The following OXR1 variants were observed in gnomAD, a reference collection of about 807,000 sequenced individuals.
The protein encoded by OXR1 is oxidation resistance protein 1.
OXR1 carries 41 observed loss-of-function variants against 104.6 expected under a neutral mutation model. That is an observed-to-expected ratio of 0.39 (90% confidence interval 0.31 to 0.51). The LOEUF (loss-of-function observed/expected upper bound fraction) is 0.51, where lower values mean the gene tolerates loss of function less well. OXR1 is among the 20% of genes least tolerant of loss of function. The pLI, the probability that OXR1 is intolerant of heterozygous loss-of-function variation, is 0.77. For missense variants in OXR1, 955 were observed against 1,031.9 expected (o/e 0.93, Z 1.02); for synonymous variants, 348 against 348.4 (o/e 1.00, Z 0.01).
intron 3 of OXR1, among the ~76,000 whole-genome samples, chr8:106,665,373 G>A (rs992912107): frequency 1.3e-5 from 2 of 152,218 alleles, no homozygotes; most frequent in African/African-American, 4.8e-5. Flanking sequence ...CCTTGTCTGG[G>A]AATTGATTTT....
intron 6 of OXR1, among the ~76,000 whole-genome samples, chr8:106,692,002 CACATATATATAT>C (rs1396700863): frequency 1.5e-4 from 22 of 150,048 alleles, no homozygotes; most frequent in Non-Finnish European, 1.6e-4. Context: ...CACACACACA[CACATATATATAT>C]ACACATATAT....
At chr8:106,300,252 C>T (rs1813172952) in intron 1 of OXR1, among the ~76,000 whole-genome samples, 1 of 152,074 alleles carries the variant, frequency 6.6e-6, no homozygotes, top group Non-Finnish European at 1.5e-5. Flanking sequence ...CATTTTTACT[C>T]ACCCTTTTCA....
intron 3 of OXR1, among the ~76,000 whole-genome samples, chr8:106,675,127 C>T (rs1014972311): frequency 2.9e-4 from 44 of 152,050 alleles, no homozygotes; most frequent in Admixed American, 2.6e-3. Flanking sequence ...ATATAATTTT[C>T]GATTTGTATG....
At chr8:106,703,797 A>G (rs535911606) in intron 8 of OXR1, among the ~76,000 whole-genome samples, 90 of 152,284 alleles carry the variant, frequency 5.9e-4, no homozygotes, top group African/African-American at 2.1e-3. Flanking sequence ...GTATAAAAAG[A>G]AAGGAAGGAG....
At chr8:106,515,291 C>T (rs2444304) in intron 2 of OXR1, among the ~76,000 whole-genome samples, 77,079 of 151,816 alleles carry the variant, frequency 0.51, 21,126 homozygotes, top group Non-Finnish European at 0.62. Flanking sequence ...ATATGCATTA[C>T]CTCACATATT....
intron 1 of OXR1, among the ~76,000 whole-genome samples, chr8:106,319,668 A>C (rs1443726698): frequency 1.3e-5 from 2 of 152,218 alleles, no homozygotes; most frequent in Non-Finnish European, 1.5e-5. Context: ...AAGCAGCTGC[A>C]GCCGTTTTCC....
At chr8:106,680,336 G>A (rs535657595) in intron 4 of OXR1, among the ~76,000 whole-genome samples, 14 of 151,938 alleles carry the variant, frequency 9.2e-5, no homozygotes, top group Non-Finnish European at 1.5e-4. Context: ...AAATTTCTTC[G>A]TCTTTACAAT....
chr8:106,581,389 A>G, intron 3 of OXR1: 2 of 444,908 alleles, frequency 4.5e-6, no homozygotes, highest in South Asian at 4.0e-5. Context: ...TGCAAATAAT[A>G]GTAGATTCGG....
chr8:106,453,359 A>G (rs908583373), intron 2 of OXR1, among the ~76,000 whole-genome samples: 1 of 152,202 alleles, frequency 6.6e-6, no homozygotes, highest in African/African-American at 2.4e-5. Context: ...AATGAAAAAT[A>G]TGTTTGATGA....
intron 3 of OXR1, among the ~76,000 whole-genome samples, chr8:106,607,651 A>G (rs1288566817): frequency 3.3e-5 from 5 of 152,182 alleles, no homozygotes; most frequent in Non-Finnish European, 7.3e-5. Flanking sequence ...TTAGCATTAA[A>G]TAAGTCTTTG....
At position 106,359,648 on chromosome 8, in the gene OXR1, G is replaced by T; in HGVS notation, c.23+12G>T. ...TCTAATCTATCATGGTGAGTGAATG[G>T]TTTTCTTGCCTTAAATGTAAATGAA... On this transcript the variant is annotated intron_variant, in intron 2 of 16. Transcript: ENST00000517566. 2 of 1,536,672 alleles carry T rather than the reference G, an allele frequency of 1.3e-6. No homozygotes were observed. The highest frequency in any genetic ancestry group is 2.4e-5 in the South Asian group (2 of 83,702).
chr8:106,465,387 G>A (rs886225038), intron 2 of OXR1, among the ~76,000 whole-genome samples: 2 of 152,002 alleles, frequency 1.3e-5, no homozygotes, highest in African/African-American at 4.8e-5. Flanking sequence ...GTACAGCCTT[G>A]TAGTTCATTG....
chr8:106,508,636 AT>A (rs1429603824), intron 2 of OXR1, among the ~76,000 whole-genome samples: 3 of 152,250 alleles, frequency 2.0e-5, no homozygotes, highest in Non-Finnish European at 4.4e-5. Context: ...TAAAACATTT[AT>A]AATGACTTAA....
At chr8:106,503,910 C>T (rs1563566618) in intron 2 of OXR1, among the ~76,000 whole-genome samples, 2 of 152,130 alleles carry the variant, frequency 1.3e-5, no homozygotes, top group Admixed American at 1.3e-4. Context: ...TATGAGTGAC[C>T]AGTGGGAAGA....
chr8:106,707,700 G>A (rs1831279105), intron 9 of OXR1: 1 of 157,026 alleles, frequency 6.4e-6, no homozygotes, highest in Admixed American at 6.5e-5. Flanking sequence ...CAGTTTTCTG[G>A]TACTGTTTAC....
At position 106,311,908 on chromosome 8, in the gene OXR1, C is replaced by G. The variant is rs186696404; in HGVS notation, c.-139+41541C>G. On this transcript the variant is annotated intron_variant, in intron 1 of 16. Coordinates refer to ENST00000517566, the MANE Select transcript of OXR1 (RefSeq NM_001198533.2). ...CATTTATAATTTGCACCCTGTCTCTCCCTCCCTGCCTCTTCTCTCTGTTAT... is the reference window on the plus strand; with the variant it reads ...CATTTATAATTTGCACCCTGTCTCTGCCTCCCTGCCTCTTCTCTCTGTTAT... Among the ~76,000 whole-genome samples, 90 of 152,192 alleles carry G rather than the reference C, an allele frequency of 5.9e-4. 1 individual carries two copies. Among genetic ancestry groups the G allele is most frequent in the Admixed American group, 5.9e-3 (90 of 15,254 alleles).
intron 11 of OXR1, among the ~76,000 whole-genome samples, chr8:106,724,009 C>G (rs1833096057): frequency 1.3e-5 from 2 of 151,740 alleles, no homozygotes. Context: ...TGGTCTCAAT[C>G]TTCTAGGCTC....
chr8:106,602,200 T>C (rs1447787794), intron 3 of OXR1, among the ~76,000 whole-genome samples: 3 of 152,140 alleles, frequency 2.0e-5, no homozygotes, highest in African/African-American at 7.2e-5. Context: ...TGTGAGAGAA[T>C]AAATAATTGT....
intron 11 of OXR1, among the ~76,000 whole-genome samples, chr8:106,733,898 T>G (rs1409997353): frequency 6.6e-6 from 1 of 151,800 alleles, no homozygotes; most frequent in Non-Finnish European, 1.5e-5. Flanking sequence ...CCTTCCCTTT[T>G]TTTTCCTTTT....
Sources: gnomAD v4.1 joint callset for allele counts (sites outside exome capture counted in the v4.1 genomes callset) on GRCh38, gnomAD v4.1.1 for gene constraint, MANE v1.5 for transcripts, NCBI Gene and HGNC (gene_info 2026-07-23, HGNC 2026-07-21) for gene names.